Variants in IGF1 observed in about 807,000 individuals in gnomAD.
The protein encoded by IGF1 is insulin like growth factor 1.
A neutral mutation model predicts 13.8 loss-of-function variants in IGF1; 4 were observed. The ratio of observed to expected loss-of-function variants is 0.29; its 90% CI spans 0.14 to 0.66. The LOEUF is 0.66. Ranked by LOEUF, IGF1 falls within the 30% of genes least tolerant of loss-of-function variation. The probability of loss-of-function intolerance (pLI) is 0.78; values close to 1 mark genes in which losing one functional copy is unlikely to be tolerated. For missense variants in IGF1, 124 were observed against 188.5 expected (o/e 0.66, Z 2.00); for synonymous variants, 76 against 72.6 (o/e 1.05, Z -0.23).
chr12:102,479,060 A>G (rs1787739830), intron 1 of IGF1, among the ~76,000 whole-genome samples: 1 of 152,226 alleles, frequency 6.6e-6, no homozygotes, highest in African/African-American at 2.4e-5. Flanking sequence ...TTAACTTGTA[A>G]TTAATGCAGA....
At chr12:102,454,408 C>T (rs1275982895) in intron 2 of IGF1, among the ~76,000 whole-genome samples, 1 of 152,194 alleles carries the variant, frequency 6.6e-6, no homozygotes, top group Non-Finnish European at 1.5e-5. Flanking sequence ...GAAGTACATG[C>T]CCCATGGGGA....
chr12:102,441,925 C>CTTCTTCTTCTTCTTCTTCTTCTTCTTCTT (rs1877815099), intron 2 of IGF1, among the ~76,000 whole-genome samples: 1 of 125,786 alleles, frequency 8.0e-6, no homozygotes, highest in Admixed American at 9.2e-5. Flanking sequence ...CCTTCTTCTT[C>CTTCTTCTTCTTCTTCTTCTTCTTCTTCTT]TTCTTCTTCT....
intron 2 of IGF1, among the ~76,000 whole-genome samples, chr12:102,442,642 G>A (rs1054961515): frequency 2.6e-5 from 4 of 151,916 alleles, no homozygotes; most frequent in African/African-American, 9.7e-5. Flanking sequence ...GTCTTGTTTG[G>A]CACCATCCAA....
intron 3 of IGF1, among the ~76,000 whole-genome samples, chr12:102,403,192 T>G (rs919144104): frequency 2.6e-5 from 4 of 152,178 alleles, no homozygotes; most frequent in African/African-American, 9.7e-5. Flanking sequence ...TTCCGTTTCT[T>G]CATCTATAAA....
intron 2 of IGF1, among the ~76,000 whole-genome samples, chr12:102,435,783 C>T (rs1357964123): frequency 1.3e-5 from 2 of 152,208 alleles, no homozygotes; most frequent in Non-Finnish European, 2.9e-5. Context: ...AAACTTGAGC[C>T]TGCATGTTTA....
chr12:102,443,484 C>T (rs2137106647), intron 2 of IGF1, among the ~76,000 whole-genome samples: 1 of 152,194 alleles, frequency 6.6e-6, no homozygotes, highest in African/African-American at 2.4e-5. Flanking sequence ...CATAGAGCTA[C>T]TTTGCACAGC....
Position 102,396,910 on chromosome 12 carries a change from G to T in IGF1, c.*5597C>A, listed in dbSNP as rs1873235936. 2.5e-6 allele frequency: 1 copy of T among 398,364 alleles called. No homozygotes were observed. The highest frequency in any genetic ancestry group is 2.1e-5 in the African/African-American group (1 of 48,704). 24.7% of individuals were successfully genotyped at this position (398,364 alleles called of 1,614,324 possible). ...AGATCCATGTAATCATACATTAAGA[G>T]GGAACACATGGGCAGGGTGTGGTGG... On this transcript the variant is annotated 3_prime_UTR_variant, in exon 4 of 4. Coordinates refer to ENST00000337514, the MANE Select transcript of IGF1 (RefSeq NM_000618.5).
chr12:102,421,805 A>G (rs147377272), intron 2 of IGF1, among the ~76,000 whole-genome samples: 12 of 152,246 alleles, frequency 7.9e-5, no homozygotes, highest in Admixed American at 7.8e-4. Flanking sequence ...CCTATTTAGT[A>G]TTTCCCTTTC....
chr12:102,477,626 C>T (rs1050804139), intron 1 of IGF1, among the ~76,000 whole-genome samples: 3 of 151,270 alleles, frequency 2.0e-5, no homozygotes, highest in Non-Finnish European at 2.9e-5. Context: ...ACCTGGACCT[C>T]GTGGCATTTT....
chr12:102,477,934 C>T (rs1373515502), intron 1 of IGF1, among the ~76,000 whole-genome samples: 3 of 151,310 alleles, frequency 2.0e-5, no homozygotes, highest in South Asian at 2.1e-4. Context: ...TTAAGTGCAG[C>T]GATACATATA....
intron 3 of IGF1, chr12:102,418,105 G>A: frequency 8.0e-7 from 1 of 1,248,100 alleles, no homozygotes; most frequent in Non-Finnish European, 1.1e-6. Flanking sequence ...GCAGGAGACA[G>A]CACTCATGCT....
chr12:102,442,752 C>T (rs1293613073), intron 2 of IGF1, among the ~76,000 whole-genome samples: 1 of 152,086 alleles, frequency 6.6e-6, no homozygotes, highest in African/African-American at 2.4e-5. Context: ...TATAAAATTG[C>T]TCAAGAAATA....
intron 2 of IGF1, among the ~76,000 whole-genome samples, chr12:102,473,401 A>C (rs1255506292): frequency 6.6e-6 from 1 of 152,186 alleles, no homozygotes; most frequent in Non-Finnish European, 1.5e-5. Flanking sequence ...CAATGTTTTG[A>C]ATTACATGAA....
intron 2 of IGF1, among the ~76,000 whole-genome samples, chr12:102,449,570 T>C (rs1878728717): frequency 6.6e-6 from 1 of 151,026 alleles, no homozygotes; most frequent in Non-Finnish European, 1.5e-5. Context: ...TGATACCCCA[T>C]TGCTACGGTT....
intron 3 of IGF1, chr12:102,418,047 C>T: frequency 6.3e-6 from 10 of 1,591,584 alleles, no homozygotes; most frequent in Non-Finnish European, 7.7e-6. Flanking sequence ...CAAGTGGTTC[C>T]CATGGTGTCC....
chr12:102,448,988 G>A (rs545055528), intron 2 of IGF1, among the ~76,000 whole-genome samples: 3 of 152,266 alleles, frequency 2.0e-5, no homozygotes, highest in East Asian at 1.9e-4. Context: ...AAGACGGTGT[G>A]GCGATTTCTC....
intron 2 of IGF1, among the ~76,000 whole-genome samples, chr12:102,453,650 A>G (rs756342958): frequency 2.0e-5 from 3 of 152,228 alleles, no homozygotes; most frequent in Non-Finnish European, 2.9e-5. Flanking sequence ...AGGCATTGCT[A>G]GGAAAGAGAT....
intron 2 of IGF1, among the ~76,000 whole-genome samples, chr12:102,428,473 T>C (rs377066825): frequency 6.6e-6 from 1 of 151,948 alleles, no homozygotes; most frequent in East Asian, 1.9e-4. Context: ...TCCATATGGA[T>C]TGCAGAAGCC....
chr12:102,447,976 T>C (rs1878504189), intron 2 of IGF1, among the ~76,000 whole-genome samples: 1 of 151,854 alleles, frequency 6.6e-6, no homozygotes, highest in Admixed American at 6.6e-5. Context: ...ATCATCAGAG[T>C]GAACAGGCAA....
Sources: gnomAD v4.1 joint callset for allele counts (sites outside exome capture counted in the v4.1 genomes callset) on GRCh38, gnomAD v4.1.1 for gene constraint, MANE v1.5 for transcripts, NCBI Gene and HGNC (gene_info 2026-07-23, HGNC 2026-07-21) for gene names.